The following NARS2 variants were observed in gnomAD, a reference collection of about 807,000 sequenced individuals.
The protein encoded by NARS2 is asparaginyl-tRNA synthetase.
NARS2 carries 60 observed loss-of-function variants against 62.9 expected under a neutral mutation model. That is an observed-to-expected ratio of 0.95 (90% CI 0.77 to 1.18). The LOEUF (loss-of-function observed/expected upper bound fraction) is 1.18. Ranked by LOEUF, NARS2 falls within the 50% of genes most tolerant of loss-of-function variation. NARS2 has a pLI of 0.00. For missense variants in NARS2, 619 were observed against 576.4 expected, an observed-to-expected ratio of 1.07 and a Z score of -0.76; for synonymous variants, 196 against 200.0, an observed-to-expected ratio of 0.98 and a Z score of 0.17.
intron 13 of NARS2, among the ~76,000 whole-genome samples, chr11:78,438,448 C>T (rs1201114216): frequency 6.6e-6 from 1 of 152,134 alleles, no homozygotes; most frequent in Non-Finnish European, 1.5e-5. Context: ...CTACCTGTCA[C>T]AGATGCCTAC....
chr11:78,543,865 T>C (rs1285928679), intron 5 of NARS2, among the ~76,000 whole-genome samples: 1 of 151,956 alleles, frequency 6.6e-6, no homozygotes, highest in Non-Finnish European at 1.5e-5. Context: ...AACCCGTCTC[T>C]ACTAAAACTA....
At chr11:78,559,702 G>T in intron 4 of NARS2, 83 bp from the exon 5 acceptor site, 1 of 875,790 alleles carries the variant, frequency 1.1e-6, no homozygotes, top group Non-Finnish European at 1.9e-6. Flanking sequence ...TATTAAAATG[G>T]CACACTAAGC....
intron 6 of NARS2, among the ~76,000 whole-genome samples, chr11:78,521,832 T>C (rs1378777641): frequency 6.6e-6 from 1 of 151,296 alleles, no homozygotes; most frequent in Admixed American, 6.6e-5. Context: ...TACATGGTTG[T>C]AGCCTTTTTG....
chr11:78,550,835 A>G (rs1856073747), intron 5 of NARS2, among the ~76,000 whole-genome samples: 1 of 152,246 alleles, frequency 6.6e-6, no homozygotes, highest in South Asian at 2.1e-4. Flanking sequence ...TTATGTAGAA[A>G]CAATACGAAT....
intron 5 of NARS2, among the ~76,000 whole-genome samples, chr11:78,532,251 G>T (rs763193227): frequency 1.3e-5 from 2 of 152,028 alleles, no homozygotes; most frequent in African/African-American, 4.8e-5. Flanking sequence ...AATTGCCAAC[G>T]ATAAAAGGAA....
intron 5 of NARS2, among the ~76,000 whole-genome samples, chr11:78,530,317 C>T (rs754166943): frequency 1.2e-4 from 19 of 152,150 alleles, no homozygotes; most frequent in South Asian, 8.3e-4. Flanking sequence ...TAAAGAATTG[C>T]TTTCCGAAAT....
In NARS2 at chr11:78,517,378, A is replaced by G. The variant is rs574322958; in HGVS notation, c.689+11464T>C. ...GCTTGTTCCTCAACCAAAGAACACA[A>G]CTGGCATTCAGTTCATAGGTGGGGA... On this transcript the variant is annotated intron_variant, in intron 6 of 13. Transcript: ENST00000281038. Among the ~76,000 whole-genome samples, 25 of 152,348 alleles carry G rather than the reference A, an allele frequency of 1.6e-4. No individual in the cohort carries two copies. The South Asian group carries it at 5.2e-3, about 32-fold the overall frequency.
At chr11:78,455,504 C>T (rs964251704) in intron 11 of NARS2, among the ~76,000 whole-genome samples, 4 of 152,122 alleles carry the variant, frequency 2.6e-5, no homozygotes, top group Admixed American at 2.0e-4. Context: ...ATAGCAGTAC[C>T]CCAAAAAAGT....
chr11:78,443,502 G>C (rs761302356), intron 12 of NARS2, 159 bp downstream of exon 12: 4 of 460,042 alleles, frequency 8.7e-6, no homozygotes, highest in Non-Finnish European at 1.6e-5. Flanking sequence ...GGGAAGCTCA[G>C]AGATAAACTA....
At chr11:78,513,597 G>A (rs1408631696) in intron 6 of NARS2, among the ~76,000 whole-genome samples, 1 of 152,016 alleles carries the variant, frequency 6.6e-6, no homozygotes, top group Non-Finnish European at 1.5e-5. Context: ...GGTCAACATG[G>A]TAAAACCACG....
chr11:78,544,783 G>T (rs1294962726), intron 5 of NARS2, among the ~76,000 whole-genome samples: 1 of 112,760 alleles, frequency 8.9e-6, no homozygotes, highest in Non-Finnish European at 1.7e-5. Context: ...GATAGAGCGA[G>T]ACTCCGTCTC....
At chr11:78,555,193 T>A (rs925105709) in intron 5 of NARS2, 4 of 152,152 alleles carry the variant, frequency 2.6e-5, no homozygotes, top group Admixed American at 2.6e-4. Context: ...GATATTTTCT[T>A]TTTTTGTTGT....
At chr11:78,436,846 T>C (rs777143504) in intron 13 of NARS2, 32 bp from the exon 14 acceptor site, 16 of 1,599,014 alleles carry the variant, frequency 1.0e-5, no homozygotes, top group African/African-American at 1.3e-5. Context: ...TCATCATCTA[T>C]ATATAGTATA....
At chr11:78,506,251 T>A (rs1349651764) in intron 6 of NARS2, among the ~76,000 whole-genome samples, 1 of 152,218 alleles carries the variant, frequency 6.6e-6, no homozygotes, top group Non-Finnish European at 1.5e-5. Context: ...CTAGCGGGCA[T>A]GTAAATAATA....
intron 9 of NARS2, among the ~76,000 whole-genome samples, chr11:78,475,500 TCTA>T (rs1859051045): frequency 6.6e-6 from 1 of 151,708 alleles, no homozygotes; most frequent in African/African-American, 2.4e-5. Context: ...CCATAATAGC[TCTA>T]CTAATTTACA....
chr11:78,558,072 T>C (rs888063266), intron 5 of NARS2, among the ~76,000 whole-genome samples: 10 of 152,130 alleles, frequency 6.6e-5, no homozygotes, highest in Non-Finnish European at 2.9e-5. Flanking sequence ...GAAATGTATT[T>C]ACAGTAATTC....
At position 78,562,896 on chromosome 11, in the gene NARS2, C is replaced by T. The variant is rs1034614284; in HGVS notation, c.513+3236G>A. 4.6e-5 allele frequency among the ~76,000 whole-genome samples: 7 copies of T among 152,180 alleles called. No individual in the cohort carries two copies. In the South Asian group the frequency reaches 8.3e-4, roughly 18 times the overall value. On this transcript the variant is annotated intron_variant, in intron 4 of 13. Transcript: ENST00000281038. ...TTTTAATTAACAAAACTGAAACTTA[C>T]GAAAATTTTTTATTTGGAGGCTTAA...
chr11:78,466,165 C>A (rs1858612291), intron 10 of NARS2, 152 bp from the exon 11 acceptor site: 1 of 739,222 alleles, frequency 1.4e-6, no homozygotes, highest in Non-Finnish European at 2.1e-6. Context: ...GCTGACTAAA[C>A]AAGAGAGAGA....
At chr11:78,471,656 G>T (rs920101690) in intron 9 of NARS2, among the ~76,000 whole-genome samples, 1 of 150,794 alleles carries the variant, frequency 6.6e-6, no homozygotes, top group African/African-American at 2.4e-5. Flanking sequence ...CTAGCATTAC[G>T]TACATCTCCC....
Sources: gnomAD v4.1 joint callset for allele counts (sites outside exome capture counted in the v4.1 genomes callset) on GRCh38, gnomAD v4.1.1 for gene constraint, MANE v1.5 for transcripts, NCBI Gene and HGNC (gene_info 2026-07-23, HGNC 2026-07-21) for gene names.